Variants in CNRIP1 observed in about 807,000 individuals in gnomAD.
CNRIP1 encodes cannabinoid receptor interacting protein 1.
CNRIP1 carries 10 observed loss-of-function variants against 15.2 expected under a neutral mutation model. That is an observed-to-expected ratio of 0.66 (90% CI 0.41 to 1.12). CNRIP1 has a LOEUF of 1.12. Ranked by LOEUF, CNRIP1 falls within the 50% of genes most tolerant of loss-of-function variation. CNRIP1 has a pLI of 0.00. For synonymous variants in CNRIP1, 91 were observed against 83.2 expected (o/e 1.09, Z -0.51); for missense variants, 211 against 214.7 (o/e 0.98, Z 0.11).
intron 2 of CNRIP1, among the ~76,000 whole-genome samples, chr2:68,287,266 G>A (rs1446302665): frequency 6.6e-6 from 1 of 152,164 alleles, no homozygotes; most frequent in Non-Finnish European, 1.5e-5. Flanking sequence ...GATCAGGAAA[G>A]GCAAGGTTAT....
downstream of CNRIP1, among the ~76,000 whole-genome samples, chr2:68,291,776 G>A (rs1462302625): frequency 6.6e-6 from 1 of 151,620 alleles, no homozygotes; most frequent in Admixed American, 6.6e-5. Flanking sequence ...CTACTCAGGA[G>A]GCTGAGGCAG....
chr2:68,302,300 C>A (rs1485309632), intron 2 of CNRIP1, among the ~76,000 whole-genome samples: 2 of 152,176 alleles, frequency 1.3e-5, no homozygotes, highest in East Asian at 3.8e-4. Context: ...CTATTTCCCT[C>A]CACTCACACA....
chr2:68,294,006 G>C lies in CNRIP1; in HGVS notation c.351C>G (p.Phe117Leu), dbSNP rs146155325. 2.5e-6 allele frequency: 4 copies of C among 1,614,004 alleles called. No homozygotes were observed. Among genetic ancestry groups the C allele is most frequent in the Non-Finnish European group, 3.4e-6 (4 of 1,179,952 alleles). ...AGAACTTGACTTGCCACACTGTCTC[G>C]AAGGTCCCAATGTCTGTGAACTGAG... ...ITMPFTDIGT[F>L]ETVWQVKFYN... Residue 117 changes from phenylalanine to leucine, a missense_variant, in exon 3 of 3, where the codon TTC (phenylalanine) becomes TTG (leucine). Phe to Leu is a conservative substitution (Grantham distance 22, BLOSUM62 0). Coordinates refer to ENST00000263655, the MANE Select transcript of CNRIP1 (RefSeq NM_015463.3).
intron 2 of CNRIP1, among the ~76,000 whole-genome samples, chr2:68,296,905 C>T (rs1197819676): frequency 6.6e-6 from 1 of 152,136 alleles, no homozygotes; most frequent in Non-Finnish European, 1.5e-5. Flanking sequence ...TCCCAAAGTG[C>T]TGGCGTGAGC....
chr2:68,304,766 G>A (rs1007447815), intron 2 of CNRIP1, among the ~76,000 whole-genome samples: 4 of 151,904 alleles, frequency 2.6e-5, no homozygotes, highest in Non-Finnish European at 5.9e-5. Flanking sequence ...GACTACAGGC[G>A]TGTTTGTATC....
chr2:68,286,394 A>C (rs1558658467), intron 2 of CNRIP1, among the ~76,000 whole-genome samples: 1 of 152,174 alleles, frequency 6.6e-6, no homozygotes. Flanking sequence ...CAAGCATAAA[A>C]AATAAACTGG....
Position 68,315,175 on chromosome 2 carries a change from T to A in CNRIP1, c.330+1982A>T, listed in dbSNP as rs981751563. 5.9e-5 allele frequency among the ~76,000 whole-genome samples: 9 copies of A among 152,256 alleles called. 1 individual carries two copies. Among genetic ancestry groups the A allele is most frequent in the Admixed American group, 5.9e-4 (9 of 15,288 alleles). ...TTTTCAAAAAATCAATAAGATACACTTAAGCAGAAAAATGGGTGAAAACTA... is the reference window on the plus strand; with the variant it reads ...TTTTCAAAAAATCAATAAGATACACATAAGCAGAAAAATGGGTGAAAACTA... On this transcript the variant is annotated intron_variant, in intron 2 of 2. Coordinates refer to ENST00000263655, the MANE Select transcript of CNRIP1 (RefSeq NM_015463.3).
intron 2 of CNRIP1, among the ~76,000 whole-genome samples, chr2:68,310,311 A>G (rs1277314407): frequency 2.0e-5 from 3 of 152,138 alleles, no homozygotes; most frequent in African/African-American, 7.2e-5. Context: ...CTGGGCAACA[A>G]AAGTGAAACT....
intron 2 of CNRIP1, 187 bp downstream of exon 2, chr2:68,316,970 G>A: frequency 4.1e-6 from 3 of 723,038 alleles, no homozygotes; most frequent in South Asian, 3.2e-5. Context: ...GGGTCAGTCT[G>A]TCATGCAAAA....
At chr2:68,297,652 G>T (rs1387875873) in intron 2 of CNRIP1, among the ~76,000 whole-genome samples, 4 of 122,988 alleles carry the variant, frequency 3.3e-5, no homozygotes, top group East Asian at 2.2e-4. Flanking sequence ...AGTAATTAAA[G>T]AAATATAAAC....
At chr2:68,302,975 G>C (rs1671670266) in intron 2 of CNRIP1, among the ~76,000 whole-genome samples, 1 of 151,050 alleles carries the variant, frequency 6.6e-6, no homozygotes, top group South Asian at 2.1e-4. Context: ...AGCCTCCCGA[G>C]TAGCTGGGAC....
chr2:68,288,067 G>GGCCAGCCAGCCA (rs70949693), downstream of CNRIP1, among the ~76,000 whole-genome samples: 73 of 149,874 alleles, frequency 4.9e-4, 1 homozygote, highest in South Asian at 0.012. Context: ...GCAGCCGGCC[G>GGCCAGCCAGCCA]GCCAGCCAGC....
downstream of CNRIP1, among the ~76,000 whole-genome samples, chr2:68,290,173 C>G (rs777731302): frequency 6.6e-6 from 1 of 151,834 alleles, no homozygotes; most frequent in South Asian, 2.1e-4. Context: ...GGATTACAGG[C>G]GTGCACCACC....
chr2:68,301,666 T>C (rs1573018447), intron 2 of CNRIP1, among the ~76,000 whole-genome samples: 1 of 151,498 alleles, frequency 6.6e-6, no homozygotes, highest in South Asian at 2.1e-4. Flanking sequence ...CCGAGGCGGG[T>C]GGATCAAGAG....
intron 2 of CNRIP1, among the ~76,000 whole-genome samples, chr2:68,315,266 TA>T (rs1672229413): frequency 6.6e-6 from 1 of 152,006 alleles, no homozygotes; most frequent in Non-Finnish European, 1.5e-5. Context: ...AAATTAACAG[TA>T]AGTAAAAATT....
Position 68,293,858 on chromosome 2 carries a change from A to G in CNRIP1, c.*4T>C, listed in dbSNP as rs769277892. ...TTGTCCAGTAGCATCAGAAAGAGCCACTTTCAGAGGAAGGACTCCTTGTTC... is the reference window on the plus strand; with the variant it reads ...TTGTCCAGTAGCATCAGAAAGAGCCGCTTTCAGAGGAAGGACTCCTTGTTC... On this transcript the variant is annotated 3_prime_UTR_variant, in exon 3 of 3. Transcript: ENST00000263655. 1.2e-6 allele frequency: 2 copies of G among 1,612,522 alleles called. No homozygotes were observed. Among genetic ancestry groups the G allele is most frequent in the Admixed American group, 3.3e-5 (2 of 59,936 alleles).
downstream of CNRIP1, among the ~76,000 whole-genome samples, chr2:68,291,773 G>A (rs1671178666): frequency 6.6e-6 from 1 of 151,400 alleles, no homozygotes; most frequent in Admixed American, 6.6e-5. Context: ...CAGCTACTCA[G>A]GAGGCTGAGG....
chr2:68,300,972 G>T (rs1039413038), intron 2 of CNRIP1, among the ~76,000 whole-genome samples: 9 of 152,236 alleles, frequency 5.9e-5, no homozygotes, highest in Admixed American at 3.9e-4. Context: ...GATAAATTCA[G>T]ACATATAAGG....
intron 2 of CNRIP1, among the ~76,000 whole-genome samples, chr2:68,310,111 T>C (rs1672019981): frequency 6.6e-6 from 1 of 152,150 alleles, no homozygotes; most frequent in South Asian, 2.1e-4. Flanking sequence ...GTGGATCACT[T>C]GAGGTCAGGA....
Sources: gnomAD v4.1 joint callset for allele counts (sites outside exome capture counted in the v4.1 genomes callset) on GRCh38, gnomAD v4.1.1 for gene constraint, MANE v1.5 for transcripts, NCBI Gene and HGNC (gene_info 2026-07-23, HGNC 2026-07-21) for gene names.